EBF4: variants seen among roughly 807,000 people sequenced by gnomAD.
The protein encoded by EBF4 is transcription factor COE4.
A neutral mutation model predicts 67.1 loss-of-function variants in EBF4; 34 were observed. That is an observed-to-expected ratio of 0.51 (90% CI 0.39 to 0.67). EBF4 has a LOEUF of 0.67. EBF4 is among the 30% of genes least tolerant of loss of function. The pLI, the probability that EBF4 is intolerant of heterozygous loss-of-function variation, is 0.00. For synonymous variants in EBF4, 387 were observed against 377.7 expected (o/e 1.02, Z -0.29); for missense variants, 837 against 873.3 (o/e 0.96, Z 0.52).
intron 6 of EBF4, among the ~76,000 whole-genome samples, chr20:2,729,108 T>G (rs2087780967): frequency 6.6e-6 from 1 of 152,192 alleles, no homozygotes; most frequent in African/African-American, 2.4e-5. Flanking sequence ...AATTGGTTTA[T>G]TTTATAATTC....
At chr20:2,741,937 C>G (rs1378137026) in intron 6 of EBF4, among the ~76,000 whole-genome samples, 3 of 152,170 alleles carry the variant, frequency 2.0e-5, no homozygotes, top group African/African-American at 7.2e-5. Flanking sequence ...GCAGCAGTCA[C>G]AACAGCCAAA....
At chr20:2,710,912 C>T (rs1370401879) in intron 6 of EBF4, among the ~76,000 whole-genome samples, 1 of 152,134 alleles carries the variant, frequency 6.6e-6, no homozygotes, top group Admixed American at 6.5e-5. Context: ...GAGGCTGAGG[C>T]AGGGGGATTG....
rs2088031233 is a variant in EBF4, at chr20:2,745,103, G to A, written c.558-3446G>A. On this transcript the variant is annotated intron_variant, in intron 6 of 16. Coordinates refer to ENST00000609451, the Ensembl canonical transcript of EBF4. This position sits in a 1 kb window ranked among gnomAD's most constrained non-coding sequence, Gnocchi z 5.2. ...TGCGGTAGTTCTCAAACTTCAGGGT[G>A]AACCAGCATCACCTGGAGGGCGTAT... Among the ~76,000 whole-genome samples the A allele has an allele frequency of 6.6e-6, 1 of 152,220 alleles. No homozygotes were observed. The highest frequency in any genetic ancestry group is 2.1e-4 in the South Asian group (1 of 4,832).
At chr20:2,713,959 T>G (rs1600213416) in intron 6 of EBF4, among the ~76,000 whole-genome samples, 1 of 152,280 alleles carries the variant, frequency 6.6e-6, no homozygotes, top group East Asian at 1.9e-4. Flanking sequence ...TTGGAATAAT[T>G]ATCTGTCTAT....
chr20:2,750,103 C>G, intron 10 of EBF4, 130 bp downstream of exon 10: 1 of 1,358,364 alleles, frequency 7.4e-7, no homozygotes, highest in African/African-American at 1.5e-5. Flanking sequence ...TAGACGGCCC[C>G]GGGCCCCTTT....
In EBF4 at chr20:2,709,501, C is replaced by G. The variant is rs529688124; in HGVS notation, c.489-73C>G. On this transcript the variant is annotated intron_variant, in intron 5 of 16. Coordinates refer to ENST00000609451, the Ensembl canonical transcript of EBF4. ...AGCACCCTCAGCTCAGGGCGCCCCC[C>G]ACAACTCACACACTGTCGTGGCCCC... 378 of 1,428,306 alleles carry G rather than the reference C, an allele frequency of 2.6e-4. No homozygotes were observed. The Admixed American group carries it at 5.2e-3, about 20-fold the overall frequency. The allele number at this position is 1,428,306 out of a possible 1,614,324, so 88.5% of individuals were successfully genotyped here.
At chr20:2,708,090 G>GC in intron 5 of EBF4, 70 bp downstream of exon 5, 1 of 1,476,154 alleles carries the variant, frequency 6.8e-7, no homozygotes. Flanking sequence ...CCCAGGCCCT[G>GC]CCCCCTCGCC....
At chr20:2,726,953 T>C (rs937946114) in intron 6 of EBF4, among the ~76,000 whole-genome samples, 1 of 152,156 alleles carries the variant, frequency 6.6e-6, no homozygotes, top group Non-Finnish European at 1.5e-5. Context: ...CCCCAGCCCG[T>C]AGTAGCTGCC....
intron 6 of EBF4, among the ~76,000 whole-genome samples, chr20:2,740,901 A>G (rs1278151778): frequency 6.6e-6 from 1 of 152,066 alleles, no homozygotes; most frequent in Non-Finnish European, 1.5e-5. Flanking sequence ...GCTGAGGGTA[A>G]TTCTCAGATT....
chr20:2,744,533 C>T (rs1406130342), intron 6 of EBF4, among the ~76,000 whole-genome samples: 10 of 134,726 alleles, frequency 7.4e-5, no homozygotes, highest in African/African-American at 2.4e-4. Flanking sequence ...ACTCTGTCAC[C>T]CAGGCTGGAG....
chr20:2,716,218 C>A (rs2087606803), intron 6 of EBF4, among the ~76,000 whole-genome samples: 1 of 119,914 alleles, frequency 8.3e-6, no homozygotes, highest in African/African-American at 3.8e-5. Flanking sequence ...AAGACCCTGT[C>A]TTAAAAAAAA....
chr20:2,722,321 T>A (rs2087691885), intron 6 of EBF4, among the ~76,000 whole-genome samples: 1 of 151,456 alleles, frequency 6.6e-6, no homozygotes, highest in Non-Finnish European at 1.5e-5. Flanking sequence ...AATTACGAGG[T>A]GTTTTTTTTT....
At chr20:2,730,745 AC>A (rs1314405019) in intron 6 of EBF4, among the ~76,000 whole-genome samples, 1 of 152,138 alleles carries the variant, frequency 6.6e-6, no homozygotes. Context: ...CTCTGCAAAA[AC>A]AGGACGCGCA....
At chr20:2,732,543 A>G (rs1187265311) in intron 6 of EBF4, among the ~76,000 whole-genome samples, 6 of 152,260 alleles carry the variant, frequency 3.9e-5, no homozygotes, top group Non-Finnish European at 7.3e-5. Flanking sequence ...ATAAATTAGT[A>G]TAGCCACTCC....
At chr20:2,757,991 T>C (rs570178983) in intron 15 of EBF4, among the ~76,000 whole-genome samples, 1 of 152,190 alleles carries the variant, frequency 6.6e-6, no homozygotes, top group East Asian at 1.9e-4. Context: ...CATACAAATA[T>C]ATGCCAAAGA....
intron 6 of EBF4, among the ~76,000 whole-genome samples, chr20:2,723,384 T>C (rs1032865541): frequency 3.3e-5 from 5 of 152,176 alleles, no homozygotes; most frequent in African/African-American, 7.2e-5. Context: ...GGAGTCTCGC[T>C]CTGTCGCCCA....
At chr20:2,698,664 G>A (rs1311079513) in intron 1 of EBF4, among the ~76,000 whole-genome samples, 2 of 152,040 alleles carry the variant, frequency 1.3e-5, no homozygotes, top group Admixed American at 1.3e-4. Context: ...TCTGCGAAAA[G>A]GGATGAGATG....
At chr20:2,729,770 A>C (rs577363184) in intron 6 of EBF4, among the ~76,000 whole-genome samples, 1 of 152,348 alleles carries the variant, frequency 6.6e-6, no homozygotes, top group East Asian at 1.9e-4. Flanking sequence ...CACAAAGAGT[A>C]GTAAGTAGAG....
Position 2,754,967 on chromosome 20 carries a change from A to ACCCCCCCCCCCCCCCCC in EBF4, c.1541-658_1541-657insCCCCCCCCCCCCCCCCC. ...CAGCTGGAAGTGGGAGATTCAGGAG[A>ACCCCCCCCCCCCCCCCC]CCACCCCCCCCCACAGGGCCCAGGC... On this transcript the variant is annotated intron_variant, in intron 14 of 16. Coordinates refer to ENST00000609451, the Ensembl canonical transcript of EBF4. 2 of 67,522 alleles carry ACCCCCCCCCCCCCCCCC rather than the reference A, an allele frequency of 3.0e-5. 1 individual carries two copies. The highest frequency in any genetic ancestry group is 6.6e-5 in the Non-Finnish European group (2 of 30,084). 4.2% of individuals were successfully genotyped at this position (67,522 alleles called of 1,614,324 possible).
Sources: gnomAD v4.1 joint callset for allele counts (sites outside exome capture counted in the v4.1 genomes callset) on GRCh38, gnomAD v4.1.1 for gene constraint, Gnocchi (gnomAD v3.1) non-coding constraint, MANE v1.5 for transcripts, NCBI Gene and HGNC (gene_info 2026-07-23, HGNC 2026-07-21) for gene names.